The following NREP variants were observed in gnomAD, a reference collection of about 807,000 sequenced individuals.
NREP encodes neuronal regeneration-related protein.
In NREP, 5 loss-of-function variants were observed where a neutral mutation model predicts 8.6. That is an observed-to-expected ratio of 0.58 (90% CI 0.30 to 1.22). NREP has a LOEUF of 1.22. Among genes scored for constraint, NREP ranks in the 50% most tolerant of loss-of-function variants. The pLI is 0.07. For synonymous variants in NREP, 27 were observed against 28.0 expected, an observed-to-expected ratio of 0.96 and a Z score of 0.11; for missense variants, 86 against 82.5, an observed-to-expected ratio of 1.04 and a Z score of -0.17.
At chr5:111,903,986 AT>A (rs1324835698) in intron 2 of NREP, among the ~76,000 whole-genome samples, 3 of 152,266 alleles carry the variant, frequency 2.0e-5, no homozygotes, top group Middle Eastern at 3.4e-3. Flanking sequence ...TAATTTGTCT[AT>A]ACAAATTATT....
intron 2 of NREP, among the ~76,000 whole-genome samples, chr5:111,924,084 C>T (rs925148781): frequency 2.6e-5 from 4 of 152,242 alleles, no homozygotes; most frequent in Admixed American, 2.6e-4. Context: ...AACAAATGGG[C>T]TTAATTCTTT....
chr5:111,933,115 A>T (rs1482448593), intron 2 of NREP, among the ~76,000 whole-genome samples: 1 of 152,148 alleles, frequency 6.6e-6, no homozygotes, highest in Non-Finnish European at 1.5e-5. Context: ...AAACCACGTT[A>T]AACCACCCTT....
intron 2 of NREP, among the ~76,000 whole-genome samples, chr5:111,924,484 T>G (rs1409732459): frequency 6.6e-5 from 10 of 151,362 alleles, no homozygotes; most frequent in African/African-American, 2.4e-4. Flanking sequence ...ATCCTTTAGG[T>G]CTAGCACTGT....
At chr5:111,757,096 C>G in intron 1 of NREP, 40 bp downstream of exon 1, 1 of 605,042 alleles carries the variant, frequency 1.7e-6, no homozygotes, top group Non-Finnish European at 2.1e-6. Flanking sequence ...AAAAGAGAAA[C>G]CAGCGCTCCC....
chr5:111,743,560 A>G (rs966296320), intron 2 of NREP, among the ~76,000 whole-genome samples: 1 of 152,178 alleles, frequency 6.6e-6, no homozygotes, highest in Non-Finnish European at 1.5e-5. Flanking sequence ...TATATTAAGA[A>G]TTTAAAAAGA....
At chr5:111,894,876 G>C (rs546959160) in intron 2 of NREP, among the ~76,000 whole-genome samples, 4 of 152,294 alleles carry the variant, frequency 2.6e-5, no homozygotes, top group Admixed American at 2.6e-4. Context: ...TCATGGCAAA[G>C]TGTAATCAGA....
At chr5:111,849,586 A>G (rs1246782823) in intron 2 of NREP, among the ~76,000 whole-genome samples, 1 of 152,148 alleles carries the variant, frequency 6.6e-6, no homozygotes, top group Non-Finnish European at 1.5e-5. Context: ...GAAGAGTTAC[A>G]TAGGCTTTTT....
chr5:111,876,221 G>C (rs1247009324), intron 2 of NREP, among the ~76,000 whole-genome samples: 2 of 152,112 alleles, frequency 1.3e-5, no homozygotes, highest in African/African-American at 4.8e-5. Context: ...CCTTATGTAT[G>C]TTTCCAGCTC....
intron 2 of NREP, among the ~76,000 whole-genome samples, chr5:111,825,428 G>A (rs544659952): frequency 6.6e-6 from 1 of 152,114 alleles, no homozygotes; most frequent in South Asian, 2.1e-4. Flanking sequence ...CTCCACAACT[G>A]CAATGACATG....
intron 2 of NREP, among the ~76,000 whole-genome samples, chr5:111,871,947 C>T (rs939766797): frequency 2.0e-5 from 3 of 149,190 alleles, no homozygotes; most frequent in African/African-American, 2.5e-5. Context: ...CCTATTGGTT[C>T]CATTAGCATA....
Position 111,820,244 on chromosome 5 carries a change from G to A in NREP, c.136-84737C>T, listed in dbSNP as rs565570487. Among the ~76,000 whole-genome samples the A allele has an allele frequency of 5.4e-4, 83 of 152,308 alleles. 1 individual carries two copies. Among genetic ancestry groups the A allele is most frequent in the Admixed American group, 5.4e-3 (82 of 15,294 alleles). On this transcript the variant is annotated intron_variant, in intron 2 of 3. Transcript: ENST00000395634. ...ACAAAAAAAAAGTGCTTGTGTACAG[G>A]ATGAAAGTTGATACAAGAAGGCAGA...
chr5:111,820,205 G>A (rs1367065141), intron 2 of NREP, among the ~76,000 whole-genome samples: 2 of 152,078 alleles, frequency 1.3e-5, no homozygotes, highest in African/African-American at 2.4e-5. Flanking sequence ...TCAAAATGTG[G>A]TACTAAATAG....
At chr5:111,966,729 C>T (rs554722587) in intron 2 of NREP, among the ~76,000 whole-genome samples, 179 of 152,284 alleles carry the variant, frequency 1.2e-3, no homozygotes, top group Non-Finnish European at 2.3e-3. Context: ...ACTTTATATA[C>T]TTAAGCATTT....
chr5:111,779,633 T>C (rs960561370), intron 2 of NREP, among the ~76,000 whole-genome samples: 4 of 152,184 alleles, frequency 2.6e-5, no homozygotes, highest in African/African-American at 9.7e-5. Context: ...AGTGGGAATT[T>C]GTATTATGGC....
At chr5:111,943,548 G>C (rs1755891405) in intron 2 of NREP, among the ~76,000 whole-genome samples, 1 of 152,054 alleles carries the variant, frequency 6.6e-6, no homozygotes, top group South Asian at 2.1e-4. Flanking sequence ...CAACTTCGAT[G>C]TCCCACTGCA....
At chr5:111,879,910 C>T (rs962113090) in intron 2 of NREP, among the ~76,000 whole-genome samples, 26 of 152,172 alleles carry the variant, frequency 1.7e-4, no homozygotes, top group African/African-American at 5.8e-4. Context: ...AGGGCCCCAT[C>T]CTCTTCTAAC....
At chr5:111,812,903 A>T (rs1752301714) in intron 2 of NREP, among the ~76,000 whole-genome samples, 1 of 152,184 alleles carries the variant, frequency 6.6e-6, no homozygotes, top group African/African-American at 2.4e-5. Flanking sequence ...CTTATTTTGT[A>T]GGTGAGAAAC....
intron 2 of NREP, among the ~76,000 whole-genome samples, chr5:111,845,355 T>C (rs987397162): frequency 1.3e-5 from 2 of 152,022 alleles, no homozygotes; most frequent in Non-Finnish European, 2.9e-5. Context: ...TGTGAAAGTA[T>C]GTTCGTGCAT....
intron 2 of NREP, among the ~76,000 whole-genome samples, chr5:111,764,728 C>A (rs1275926310): frequency 6.6e-6 from 1 of 152,026 alleles, no homozygotes; most frequent in Non-Finnish European, 1.5e-5. Flanking sequence ...TTTTTCTTTT[C>A]AAATGTTAGG....
Sources: gnomAD v4.1 joint callset for allele counts (sites outside exome capture counted in the v4.1 genomes callset) on GRCh38, gnomAD v4.1.1 for gene constraint, MANE v1.5 for transcripts, NCBI Gene and HGNC (gene_info 2026-07-23, HGNC 2026-07-21) for gene names.